The following CADPS2 variants were observed in gnomAD, a reference collection of about 807,000 sequenced individuals.
CADPS2 encodes calcium dependent secretion activator 2.
A neutral mutation model predicts 172.5 loss-of-function variants in CADPS2; 93 were observed. The ratio of observed to expected loss-of-function variants is 0.54; its 90% CI spans 0.46 to 0.64. The LOEUF (loss-of-function observed/expected upper bound fraction) is 0.64. Ranked by LOEUF, CADPS2 falls within the 30% of genes least tolerant of loss-of-function variation. CADPS2 has a pLI of 0.00. For missense variants in CADPS2, 1,420 were observed against 1,565.9 expected (o/e 0.91, Z 1.57); for synonymous variants, 546 against 555.2 (o/e 0.98, Z 0.23).
intron 14 of CADPS2, among the ~76,000 whole-genome samples, chr7:122,463,459 C>T (rs1055011524): frequency 2.0e-5 from 3 of 151,856 alleles, no homozygotes; most frequent in East Asian, 1.9e-4. Context: ...TATTTTAAAA[C>T]GTACTTATAA....
chr7:122,872,208 G>A (rs956696822), intron 1 of CADPS2, among the ~76,000 whole-genome samples: 1 of 151,988 alleles, frequency 6.6e-6, no homozygotes, highest in East Asian at 1.9e-4. Flanking sequence ...GAAAGAAAAA[G>A]GATAAAGTTC....
At chr7:122,529,310 A>G (rs895636486) in intron 8 of CADPS2, among the ~76,000 whole-genome samples, 2 of 152,136 alleles carry the variant, frequency 1.3e-5, no homozygotes, top group African/African-American at 4.8e-5. Context: ...AGACTCATAC[A>G]TTCATAGGCA....
intron 27 of CADPS2, among the ~76,000 whole-genome samples, chr7:122,348,217 G>C (rs1031917818): frequency 2.0e-5 from 3 of 152,186 alleles, no homozygotes; most frequent in Non-Finnish European, 4.4e-5. Context: ...TTATGGCCAG[G>C]AAGACTGAAT....
intron 7 of CADPS2, among the ~76,000 whole-genome samples, chr7:122,565,469 T>C (rs748487602): frequency 1.3e-5 from 2 of 152,150 alleles, no homozygotes; most frequent in Non-Finnish European, 2.9e-5. Context: ...ATGTGACTTG[T>C]TCATGGCCTC....
At chr7:122,548,477 T>A (rs925871406) in intron 8 of CADPS2, among the ~76,000 whole-genome samples, 2 of 152,152 alleles carry the variant, frequency 1.3e-5, no homozygotes, top group Non-Finnish European at 2.9e-5. Flanking sequence ...ACCTGGTATG[T>A]AAATCTAATG....
intron 28 of CADPS2, among the ~76,000 whole-genome samples, chr7:122,339,865 A>G (rs936619622): frequency 6.6e-6 from 1 of 152,196 alleles, no homozygotes; most frequent in Non-Finnish European, 1.5e-5. Context: ...AGCCTTGGTG[A>G]CAAGAGTGAA....
chr7:122,882,293 G>A (rs1247219094), intron 1 of CADPS2, among the ~76,000 whole-genome samples: 1 of 152,138 alleles, frequency 6.6e-6, no homozygotes, highest in African/African-American at 2.4e-5. Context: ...GCACAATTTA[G>A]TGTGGTTACA....
chr7:122,519,972 G>A (rs1305024605), intron 8 of CADPS2, among the ~76,000 whole-genome samples: 2 of 151,748 alleles, frequency 1.3e-5, no homozygotes, highest in Non-Finnish European at 2.9e-5. Flanking sequence ...ATAATCATTA[G>A]CATATCTCAG....
chr7:122,590,696 T>C (rs1396152536), intron 6 of CADPS2, among the ~76,000 whole-genome samples: 2 of 151,776 alleles, frequency 1.3e-5, no homozygotes, highest in Admixed American at 6.6e-5. Flanking sequence ...TCCTAACAGA[T>C]TGATTCATAA....
chr7:122,495,816 A>G (rs1351238202), intron 9 of CADPS2, among the ~76,000 whole-genome samples: 1 of 152,138 alleles, frequency 6.6e-6, no homozygotes. Context: ...CAAGCTTGGT[A>G]TTTTAAATCT....
At chr7:122,711,364 A>T (rs191462095) in intron 2 of CADPS2, among the ~76,000 whole-genome samples, 1 of 152,286 alleles carries the variant, frequency 6.6e-6, no homozygotes, top group Admixed American at 6.5e-5. Context: ...AGATATTTAA[A>T]TATAGATCTA....
At chr7:122,617,177 G>T (rs1484056394) in intron 5 of CADPS2, among the ~76,000 whole-genome samples, 1 of 152,096 alleles carries the variant, frequency 6.6e-6, no homozygotes, top group East Asian at 1.9e-4. Flanking sequence ...CATACAACTT[G>T]TGAAACAGTA....
In CADPS2 at chr7:122,621,542, A is replaced by G. The variant is rs2075607963; in HGVS notation, c.1043T>C (p.Ile348Thr). The change falls in exon 5 of 30, where the codon ATA (isoleucine) becomes ACA (threonine). Residue 348 changes from isoleucine to threonine, a missense_variant. Physicochemically the swap from Ile to Thr is moderately conservative, Grantham distance 89. Transcript: ENST00000449022. ...KRSQNSAFLD[I>T]GDENEIQLSK... The stretch of plus-strand genomic sequence containing the variant: ...CAGCTGAATCTCATTCTCATCTCCT[A>G]TGTCCAAAAATGCAGAGTTCTGTGA... 1 of 1,613,860 alleles carries G rather than the reference A, an allele frequency of 6.2e-7. No individual in the cohort carries two copies.
In CADPS2 at chr7:122,480,867, G is replaced by T; in HGVS notation, c.1853-7C>A. 1 of 1,517,826 alleles carries T rather than the reference G, an allele frequency of 6.6e-7. No homozygotes were observed. The highest frequency in any genetic ancestry group is 8.8e-7 in the Non-Finnish European group (1 of 1,136,048). 94.0% of individuals were successfully genotyped at this position (1,517,826 alleles called of 1,614,324 possible). A position where few individuals can be genotyped will look rare whatever the true frequency, so the allele number is the denominator to read the frequency against. ...AAATACTTACCTTTACCAGCTACAG[G>T]TCAGCAAAGAAATGAGAAACAAAGC... On this transcript the variant is annotated splice_region_variant and splice_polypyrimidine_tract_variant and intron_variant, in intron 11 of 29. Coordinates refer to ENST00000449022, the MANE Select transcript of CADPS2 (RefSeq NM_017954.11).
chr7:122,327,967 G>A (rs1269507942), intron 28 of CADPS2, among the ~76,000 whole-genome samples: 6 of 151,602 alleles, frequency 4.0e-5, no homozygotes, highest in African/African-American at 7.3e-5. Flanking sequence ...AAATAAGAAC[G>A]TATATTTTGG....
intron 14 of CADPS2, among the ~76,000 whole-genome samples, chr7:122,456,029 G>A (rs1399726784): frequency 6.6e-6 from 1 of 152,002 alleles, no homozygotes; most frequent in Non-Finnish European, 1.5e-5. Flanking sequence ...TATGATAGTT[G>A]GTAAAACAGA....
intron 1 of CADPS2, among the ~76,000 whole-genome samples, chr7:122,842,112 T>C (rs1160123535): frequency 6.6e-6 from 1 of 152,152 alleles, no homozygotes; most frequent in Admixed American, 6.5e-5. Flanking sequence ...GGTTGCTTTA[T>C]GGGGAGCATG....
intron 9 of CADPS2, among the ~76,000 whole-genome samples, chr7:122,493,216 T>C (rs571518222): frequency 3.0e-4 from 46 of 152,146 alleles, no homozygotes; most frequent in African/African-American, 9.6e-4. Flanking sequence ...TCAGAACACA[T>C]GTTGGAAAAA....
chr7:122,828,174 T>C (rs1805497298), intron 1 of CADPS2, among the ~76,000 whole-genome samples: 1 of 152,222 alleles, frequency 6.6e-6, no homozygotes, highest in Non-Finnish European at 1.5e-5. Flanking sequence ...ACTTCTTGTC[T>C]AGAACTAGTA....
Sources: gnomAD v4.1 joint callset for allele counts (sites outside exome capture counted in the v4.1 genomes callset) on GRCh38, gnomAD v4.1.1 for gene constraint, MANE v1.5 for transcripts, NCBI Gene and HGNC (gene_info 2026-07-23, HGNC 2026-07-21) for gene names.